Variants in DHX33 observed in about 807,000 individuals in gnomAD.
The protein encoded by DHX33 is ATP-dependent RNA helicase DHX33.
DHX33 carries 42 observed loss-of-function variants against 72.5 expected under a neutral mutation model. That is an observed-to-expected ratio of 0.58 (90% CI 0.45 to 0.75). The LOEUF (loss-of-function observed/expected upper bound fraction) is 0.75. DHX33 is among the 30% of genes least tolerant of loss of function. The pLI is 0.00. For missense variants in DHX33, 842 were observed against 917.5 expected (o/e 0.92, Z 1.06); for synonymous variants, 358 against 366.1 (o/e 0.98, Z 0.25).
At chr17:5,448,331 C>G (rs769884509) in intron 11 of DHX33, among the ~76,000 whole-genome samples, 2 of 152,344 alleles carry the variant, frequency 1.3e-5, no homozygotes, top group African/African-American at 2.4e-5. Context: ...CAAAAACATA[C>G]ATACACAGAA....
chr17:5,453,008 T>C (rs1474628755), intron 8 of DHX33, among the ~76,000 whole-genome samples: 1 of 152,234 alleles, frequency 6.6e-6, no homozygotes, highest in African/African-American at 2.4e-5. Context: ...GCCAATATCA[T>C]AAATATTTCC....
At chr17:5,465,749 T>C (rs191833756) in intron 1 of DHX33, among the ~76,000 whole-genome samples, 47 of 152,298 alleles carry the variant, frequency 3.1e-4, no homozygotes, top group Admixed American at 2.0e-3. Context: ...ATCGATCTTT[T>C]TTCTTGTTTT....
chr17:5,444,017 A>T lies in DHX33; in HGVS notation c.*188T>A, dbSNP rs1056716092. On this transcript the variant is annotated 3_prime_UTR_variant, in exon 12 of 12. Coordinates refer to ENST00000225296, the MANE Select transcript of DHX33 (RefSeq NM_020162.4). This position sits in a 1 kb window ranked among gnomAD's most constrained non-coding sequence, Gnocchi z 4.9. ...GCATAATTTTGAGGTTTCCAGGTAC[A>T]AATGATATGTCCATGTCTATATGGT... is the stretch of plus-strand genomic sequence containing the variant. The T allele has an allele frequency of 3.3e-6, 2 of 604,474 alleles. No individual in the cohort carries two copies. Among genetic ancestry groups the T allele is most frequent in the African/African-American group, 3.7e-5 (2 of 54,354 alleles). 37.4% of individuals were successfully genotyped at this position (604,474 alleles called of 1,614,324 possible).
At position 5,450,268 on chromosome 17, in the gene DHX33, T is replaced by A; in HGVS notation, c.1663A>T (p.Ser555Cys). 2 of 1,614,214 alleles carry A rather than the reference T, an allele frequency of 1.2e-6. No homozygotes were observed. The highest frequency in any genetic ancestry group is 2.2e-5 in the South Asian group (2 of 91,086). Reference sequence around the variant, plus strand: ...AGCAGGGTCATGTGATCCCCCTCGCTGGATATGAACTTCTTGCGGACCCCT... The same window carrying A: ...AGCAGGGTCATGTGATCCCCCTCGCAGGATATGAACTTCTTGCGGACCCCT... ...VQGVRKKFIS[S>C]EGDHMTLLNI... Residue 555 changes from serine (S) to cysteine (C), a missense_variant, in exon 10 of 12, where the codon AGC becomes TGC. Transcript: ENST00000225296.
At chr17:5,463,417 G>T in intron 2 of DHX33, 112 bp downstream of exon 2, 1 of 1,143,356 alleles carries the variant, frequency 8.7e-7, no homozygotes, top group Non-Finnish European at 1.2e-6. Context: ...GAATAGGCAA[G>T]AAAGCAGCTC....
At chr17:5,446,391 C>T (rs936891110) in intron 11 of DHX33, among the ~76,000 whole-genome samples, 1 of 152,176 alleles carries the variant, frequency 6.6e-6, no homozygotes, top group Non-Finnish European at 1.5e-5. Context: ...TCAGCTTTAC[C>T]ACTCACTGGC....
chr17:5,468,683 C>A lies in DHX33; in HGVS notation c.177G>T (p.Ser59=). The A allele has an allele frequency of 6.2e-7, 1 of 1,612,314 alleles. No homozygotes were observed. The highest frequency in any genetic ancestry group is 8.5e-7 in the Non-Finnish European group (1 of 1,179,640). The change falls in exon 1 of 12, where the codon TCG becomes TCT. Residue 59 remains serine, a synonymous_variant. Coordinates refer to ENST00000225296, the MANE Select transcript of DHX33 (RefSeq NM_020162.4). The part of the protein sequence containing the change: ...RRQQPPLAQP[S]ASPYPEAVEL... ...CCACAGCTTCAGGGTAGGGACTGGC[C>A]GAGGGCTGGGCCAGGGGCGGCTGCT...
At position 5,443,049 on chromosome 17, in the gene DHX33, A is replaced by T. The variant is rs894542863; in HGVS notation, c.*1156T>A. On this transcript the variant is annotated 3_prime_UTR_variant, in exon 12 of 12. Transcript: ENST00000225296. ...CATAGAAAATTAATAAGATGCAAGA[A>T]TAAGTGTTACAGCTCTAGCTCTTTT... is the stretch of plus-strand genomic sequence containing the variant. 6.6e-6 allele frequency: 1 copy of T among 152,200 alleles called. No homozygotes were observed. The highest frequency in any genetic ancestry group is 2.4e-5 in the African/African-American group (1 of 41,446). 9.4% of individuals were successfully genotyped at this position (152,200 alleles called of 1,614,324 possible).
chr17:5,460,045 C>A (rs960387787), intron 4 of DHX33, among the ~76,000 whole-genome samples: 1 of 146,764 alleles, frequency 6.8e-6, no homozygotes, highest in Non-Finnish European at 1.5e-5. Flanking sequence ...GACAGACCCT[C>A]GCCCTGTCAC....
In DHX33 at chr17:5,443,911, T is replaced by A. The variant is rs1916530180; in HGVS notation, c.*294A>T. ...ATGAACCCAATTTTATAAGGATTAT[T>A]ATTATTACTCCCATTTGGCAGATGA... is the stretch of plus-strand genomic sequence containing the variant. On this transcript the variant is annotated 3_prime_UTR_variant, in exon 12 of 12. Coordinates refer to ENST00000225296, the MANE Select transcript of DHX33 (RefSeq NM_020162.4). 2 of 349,494 alleles carry A rather than the reference T, an allele frequency of 5.7e-6. No homozygotes were observed. The highest frequency in any genetic ancestry group is 1.0e-5 in the Non-Finnish European group (2 of 190,878). 21.6% of individuals were successfully genotyped at this position (349,494 alleles called of 1,614,324 possible).
In DHX33 at chr17:5,450,965, A is replaced by G. The variant is rs369079738; in HGVS notation, c.1397-31T>C. The stretch of plus-strand genomic sequence containing the variant: ...GAAACAGAGACATAAAAAGGAGCCA[A>G]AAGTCCAAAAAAATGAAGTTGCAGC... On this transcript the variant is annotated intron_variant, in intron 8 of 11. Coordinates refer to ENST00000225296, the MANE Select transcript of DHX33 (RefSeq NM_020162.4). 3.2e-5 allele frequency: 52 copies of G among 1,603,628 alleles called. No individual in the cohort carries two copies. In the African/African-American group the frequency reaches 6.2e-4, roughly 19 times the overall value.
At position 5,463,463 on chromosome 17, in the gene DHX33, G is replaced by C. The variant is rs957544794; in HGVS notation, c.450+66C>G. The stretch of plus-strand genomic sequence containing the variant: ...AGGAGTCTTGTTTAGAAAAATAAAA[G>C]GCAGTGGGCATGGGGAGAGAGCTGT... On this transcript the variant is annotated intron_variant, in intron 2 of 11. Coordinates refer to ENST00000225296, the MANE Select transcript of DHX33 (RefSeq NM_020162.4). The C allele has an allele frequency of 2.9e-5, 44 of 1,495,126 alleles. No individual in the cohort carries two copies. In the Middle Eastern group the frequency reaches 5.4e-4, roughly 18 times the overall value. The allele number at this position is 1,495,126 out of a possible 1,614,324, so 92.6% of individuals were successfully genotyped here.
chr17:5,444,168 C>A lies in DHX33; in HGVS notation c.*37G>T. 1.9e-6 allele frequency: 3 copies of A among 1,591,450 alleles called. No homozygotes were observed. The highest frequency in any genetic ancestry group is 1.7e-6 in the Non-Finnish European group (2 of 1,166,946). On this transcript the variant is annotated 3_prime_UTR_variant, in exon 12 of 12. Coordinates refer to ENST00000225296, the MANE Select transcript of DHX33 (RefSeq NM_020162.4). The surrounding 1 kb of genome is among the most constrained non-coding windows in gnomAD (Gnocchi z 4.9). Reference sequence around the variant, plus strand: ...GTAAGGACAACTGTAGTCCAAGCTCCCAGGGACCAGTGATTCTGGCGGCAT... The same window carrying A: ...GTAAGGACAACTGTAGTCCAAGCTCACAGGGACCAGTGATTCTGGCGGCAT...
In DHX33 at chr17:5,458,807, T is replaced by C. The variant is rs139710385; in HGVS notation, c.849+2132A>G. On this transcript the variant is annotated intron_variant, in intron 4 of 11. Transcript: ENST00000225296. ...CCCTAAACAGCAGAAATCTGGGATG[T>C]TGAAGTAAAAACAACTGCTATTCTT... Among the ~76,000 whole-genome samples the C allele has an allele frequency of 2.0e-4, 31 of 152,322 alleles. 1 individual carries two copies. The East Asian group carries it at 5.8e-3, about 28-fold the overall frequency.
In DHX33 at chr17:5,468,615, T is replaced by G; in HGVS notation, c.245A>C (p.Gln82Pro). Residue 82 changes from glutamine to proline, a missense_variant, in exon 1 of 12, where the codon CAA (glutamine) becomes CCA (proline). Transcript: ENST00000225296. The stretch of plus-strand genomic sequence containing the variant: ...CAGGTTTCGGAGCTGGGCCAACAGT[T>G]GCCCCCGCGCTTGGAAGATGGGCAG... ...RSLPIFQARG[Q>P]LLAQLRNLDN... 6.2e-7 allele frequency: 1 copy of G among 1,610,546 alleles called. No individual in the cohort carries two copies. Among genetic ancestry groups the G allele is most frequent in the Non-Finnish European group, 8.5e-7 (1 of 1,179,132 alleles).
Position 5,450,402 on chromosome 17 carries a change from A to G in DHX33, c.1529T>C (p.Ile510Thr), listed in dbSNP as rs1407122733. ...FPLEPKFAKT[I>T]LMSPKFHCTE... The stretch of plus-strand genomic sequence containing the variant: ...ACAGTGGAATTTGGGGGACATGAGG[A>G]TGGTCTGCAAAGCAAAATTTAAAAT... Residue 510 changes from isoleucine (I) to threonine (T), a missense_variant, in exon 10 of 12, where the codon ATC (isoleucine) becomes ACC (threonine). Physicochemically the swap from Ile to Thr is moderately conservative, Grantham distance 89 (BLOSUM62 -1). Transcript: ENST00000225296. 18 of 1,613,568 alleles carry G rather than the reference A, an allele frequency of 1.1e-5. No homozygotes were observed. The highest frequency in any genetic ancestry group is 5.0e-5 in the Admixed American group (3 of 59,990).
In DHX33 at chr17:5,455,278, G is replaced by A; in HGVS notation, c.1036-7C>T. ...TGATCACTTTGCGATAGCCCTAAAA[G>A]GAGGAAGAAAACCAAAAAGCCGCAT... is the stretch of plus-strand genomic sequence containing the variant. On this transcript the variant is annotated splice_region_variant and splice_polypyrimidine_tract_variant and intron_variant, in intron 5 of 11. Transcript: ENST00000225296. 4 of 1,613,196 alleles carry A rather than the reference G, an allele frequency of 2.5e-6. No individual in the cohort carries two copies. Among genetic ancestry groups the A allele is most frequent in the Non-Finnish European group, 3.4e-6 (4 of 1,179,236 alleles).
chr17:5,468,969 T>TTTTTAATGA lies in DHX33; in HGVS notation c.-111_-110insTCATTAAAA. ...TTCCTCGCCGCCACGTGCTGGCGGC[T>TTTTTAATGA]CCCGGCGACCACCGATGACCTCACG... On this transcript the variant is annotated 5_prime_UTR_variant, in exon 1 of 12. Coordinates refer to ENST00000225296, the MANE Select transcript of DHX33 (RefSeq NM_020162.4). 1.6e-6 allele frequency: 1 copy of TTTTTAATGA among 640,820 alleles called. No homozygotes were observed. Among genetic ancestry groups the TTTTTAATGA allele is most frequent in the South Asian group, 2.0e-5 (1 of 49,740 alleles). The allele number at this position is 640,820 out of a possible 1,614,324, so 39.7% of individuals were successfully genotyped here. A position where few individuals can be genotyped will look rare whatever the true frequency, so the allele number is the denominator to read the frequency against.
chr17:5,446,108 G>A (rs560310072), intron 11 of DHX33, among the ~76,000 whole-genome samples: 3 of 152,266 alleles, frequency 2.0e-5, no homozygotes, highest in East Asian at 1.9e-4. Context: ...CTGAGTAGCT[G>A]GGGTTATAGG....
Sources: gnomAD v4.1 joint callset for allele counts (sites outside exome capture counted in the v4.1 genomes callset) on GRCh38, gnomAD v4.1.1 for gene constraint, Gnocchi (gnomAD v3.1) non-coding constraint, MANE v1.5 for transcripts, NCBI Gene and HGNC (gene_info 2026-07-23, HGNC 2026-07-21) for gene names.